PLCB1: variants seen among roughly 807,000 people sequenced by gnomAD.
PLCB1 encodes phospholipase C beta 1.
PLCB1 carries 46 observed loss-of-function variants against 161.8 expected under a neutral mutation model. The ratio of observed to expected loss-of-function variants is 0.28; its 90% confidence interval spans 0.22 to 0.36. The LOEUF is 0.36. PLCB1 is among the 10% of genes least tolerant of loss of function. The pLI, the probability that PLCB1 is intolerant of heterozygous loss-of-function variation, is 1.00. For synonymous variants in PLCB1, 517 were observed against 503.7 expected, an observed-to-expected ratio of 1.03 and a Z score of -0.35; for missense variants, 1,016 against 1,472.5, an observed-to-expected ratio of 0.69 and a Z score of 5.07.
At chr20:8,454,514 A>G (rs1355761953) in intron 3 of PLCB1, among the ~76,000 whole-genome samples, 2 of 152,186 alleles carry the variant, frequency 1.3e-5, no homozygotes, top group African/African-American at 4.8e-5. Context: ...TGGTTGGGAT[A>G]CATTTTGGAG....
intron 2 of PLCB1, among the ~76,000 whole-genome samples, chr20:8,194,341 T>C: frequency 6.6e-6 from 1 of 152,056 alleles, no homozygotes; most frequent in East Asian, 1.9e-4. Context: ...GTGACTATTA[T>C]CTGGTAAAGT....
At chr20:8,828,458 G>A (rs6077430) in intron 31 of PLCB1, among the ~76,000 whole-genome samples, 31,626 of 152,032 alleles carry the variant, frequency 0.21, 4,152 homozygotes, top group Middle Eastern at 0.32. Context: ...AAATTATTTT[G>A]CAGTGAGACC....
At chr20:8,536,268 C>T (rs569348026) in intron 3 of PLCB1, among the ~76,000 whole-genome samples, 1 of 151,102 alleles carries the variant, frequency 6.6e-6, no homozygotes, top group South Asian at 2.1e-4. Flanking sequence ...CATGGATATA[C>T]AAGAAGAAAA....
chr20:8,417,046 C>CATATAT (rs1568667895), intron 3 of PLCB1, among the ~76,000 whole-genome samples: 1 of 55,210 alleles, frequency 1.8e-5, no homozygotes, highest in African/African-American at 7.0e-5. Flanking sequence ...CACACACACA[C>CATATAT]ACACACACAT....
At chr20:8,272,119 G>T (rs6055708) in intron 2 of PLCB1, among the ~76,000 whole-genome samples, 7 of 152,168 alleles carry the variant, frequency 4.6e-5, no homozygotes, top group African/African-American at 1.4e-4. Flanking sequence ...AAAAAGAAGA[G>T]CTTAGATATG....
chr20:8,530,990 A>G (rs1432181203), intron 3 of PLCB1, among the ~76,000 whole-genome samples: 2 of 152,062 alleles, frequency 1.3e-5, no homozygotes, highest in African/African-American at 2.4e-5. Context: ...TCATGCAAGA[A>G]TGGGACATTT....
At chr20:8,335,809 G>A (rs1199540137) in intron 2 of PLCB1, among the ~76,000 whole-genome samples, 1 of 152,220 alleles carries the variant, frequency 6.6e-6, no homozygotes, top group Non-Finnish European at 1.5e-5. Context: ...TAATTTATGT[G>A]ACTTAGGAAC....
chr20:8,454,448 T>C (rs912131685), intron 3 of PLCB1, among the ~76,000 whole-genome samples: 3 of 152,188 alleles, frequency 2.0e-5, no homozygotes, highest in Admixed American at 6.5e-5. Flanking sequence ...CCAGAGACCA[T>C]GGTCTTGAGA....
At chr20:8,135,990 A>G (rs2051342758) in intron 1 of PLCB1, among the ~76,000 whole-genome samples, 1 of 152,124 alleles carries the variant, frequency 6.6e-6, no homozygotes, top group African/African-American at 2.4e-5. Context: ...CAGGACATGG[A>G]GAGAAAGAGC....
At chr20:8,837,231 T>A (rs1986323004) in intron 31 of PLCB1, among the ~76,000 whole-genome samples, 1 of 152,186 alleles carries the variant, frequency 6.6e-6, no homozygotes, top group Admixed American at 6.5e-5. Flanking sequence ...GACCCCTCTT[T>A]GTTTCTAGAC....
intron 13 of PLCB1, 107 bp from the exon 14 acceptor site, chr20:8,717,564 G>A (rs1334499267): frequency 2.5e-6 from 2 of 805,356 alleles, no homozygotes; most frequent in Non-Finnish European, 4.0e-6. Context: ...GTTGAAGGTA[G>A]GGAAGAAGTC....
chr20:8,487,853 G>T (rs2122766860), intron 3 of PLCB1, among the ~76,000 whole-genome samples: 1 of 152,288 alleles, frequency 6.6e-6, no homozygotes, highest in African/African-American at 2.4e-5. Flanking sequence ...ACCGAGGCTG[G>T]TGCACCCAGC....
intron 11 of PLCB1, among the ~76,000 whole-genome samples, chr20:8,702,461 A>G (rs921172613): frequency 6.6e-6 from 1 of 152,190 alleles, no homozygotes; most frequent in African/African-American, 2.4e-5. Context: ...ATTAAATTAG[A>G]GTAGGTTAAA....
chr20:8,565,117 G>T (rs1393739799), intron 3 of PLCB1, among the ~76,000 whole-genome samples: 3 of 152,170 alleles, frequency 2.0e-5, no homozygotes, highest in Non-Finnish European at 4.4e-5. Flanking sequence ...ACTGGATAAA[G>T]AAAATGTGGC....
intron 31 of PLCB1, among the ~76,000 whole-genome samples, chr20:8,875,429 T>A (rs1180610615): frequency 6.8e-6 from 1 of 147,542 alleles, no homozygotes; most frequent in African/African-American, 2.5e-5. Context: ...ATATACATAA[T>A]ATAAATATTA....
intron 31 of PLCB1, among the ~76,000 whole-genome samples, chr20:8,817,245 C>T (rs1027199271): frequency 1.3e-5 from 2 of 152,150 alleles, no homozygotes; most frequent in East Asian, 1.9e-4. Context: ...AAGTAGAGAA[C>T]GCTCAGAGGA....
At chr20:8,313,295 C>T (rs1221535292) in intron 2 of PLCB1, among the ~76,000 whole-genome samples, 3 of 152,128 alleles carry the variant, frequency 2.0e-5, no homozygotes, top group African/African-American at 7.2e-5. Flanking sequence ...TCTGGCTGGG[C>T]TCGCATGTGC....
intron 31 of PLCB1, among the ~76,000 whole-genome samples, chr20:8,805,358 G>T (rs1984485715): frequency 6.6e-6 from 1 of 152,126 alleles, no homozygotes; most frequent in Admixed American, 6.5e-5. Flanking sequence ...AAGAGCTGTA[G>T]AATGACCAAT....
At chr20:8,562,922 A>C (rs1986189038) in intron 3 of PLCB1, among the ~76,000 whole-genome samples, 1 of 152,068 alleles carries the variant, frequency 6.6e-6, no homozygotes, top group Admixed American at 6.6e-5. Context: ...TTTGAAGCAC[A>C]CACTCACTTT....
Sources: allele counts gnomAD v4.1 joint callset (sites outside exome capture counted in the v4.1 genomes callset), GRCh38; gene constraint gnomAD v4.1.1; transcripts MANE v1.5; gene names NCBI Gene and HGNC (gene_info 2026-07-23, HGNC 2026-07-21).